Variants in RBFOX1 observed in about 807,000 individuals in gnomAD.
The protein encoded by RBFOX1 is RNA binding fox-1 homolog 1, also known as RNA binding protein fox-1 homolog 1.
A neutral mutation model predicts 57.7 loss-of-function variants in RBFOX1; 8 were observed. That is an observed-to-expected ratio of 0.14 (90% CI 0.08 to 0.25). RBFOX1 has a LOEUF of 0.25. RBFOX1 is among the 10% of genes least tolerant of loss of function. RBFOX1 has a pLI of 1.00. For missense variants in RBFOX1, 611 were observed against 548.5 expected (o/e 1.11, Z -1.14); for synonymous variants, 326 against 222.4 (o/e 1.47, Z -4.15).
chr16:6,694,630 C>T (rs372742340), intron 3 of RBFOX1, among the ~76,000 whole-genome samples: 10 of 152,168 alleles, frequency 6.6e-5, no homozygotes, highest in Non-Finnish European at 1.3e-4. Context: ...TTCTGCCTTA[C>T]ACTGTGTTGG....
intron 1 of RBFOX1, among the ~76,000 whole-genome samples, chr16:5,386,375 A>C (rs1360377050): frequency 6.6e-6 from 1 of 152,030 alleles, no homozygotes; most frequent in Non-Finnish European, 1.5e-5. Flanking sequence ...GAAAAGGTAG[A>C]CGGCCTCAGG....
chr16:5,373,550 C>T (rs534795416), intron 1 of RBFOX1, among the ~76,000 whole-genome samples: 2 of 152,234 alleles, frequency 1.3e-5, no homozygotes, highest in South Asian at 4.2e-4. Context: ...CCTGAGGCCT[C>T]CTCAGCCGTA....
At chr16:7,301,439 C>A (rs1603592222) in intron 4 of RBFOX1, among the ~76,000 whole-genome samples, 1 of 152,148 alleles carries the variant, frequency 6.6e-6, no homozygotes, top group African/African-American at 2.4e-5. Flanking sequence ...GTGTGTCTGA[C>A]TGTGAAAACT....
chr16:7,603,908 G>T (rs146979908), intron 9 of RBFOX1, among the ~76,000 whole-genome samples: 1 of 152,238 alleles, frequency 6.6e-6, no homozygotes, highest in African/African-American at 2.4e-5. Flanking sequence ...TGGTCACCAT[G>T]ACCAGAATGG....
At chr16:5,733,348 G>A (rs1365021208) in intron 3 of RBFOX1, among the ~76,000 whole-genome samples, 1 of 152,124 alleles carries the variant, frequency 6.6e-6, no homozygotes, top group Non-Finnish European at 1.5e-5. Context: ...GGCAGCCATG[G>A]GGGTCCAGGA....
intron 3 of RBFOX1, among the ~76,000 whole-genome samples, chr16:5,680,929 G>A (rs894561878): frequency 2.0e-5 from 3 of 151,974 alleles, no homozygotes; most frequent in Admixed American, 2.0e-4. Context: ...TTGGGGGGCA[G>A]GGGTGCAGCA....
chr16:6,748,515 A>T (rs555970906), intron 3 of RBFOX1, among the ~76,000 whole-genome samples: 2 of 152,164 alleles, frequency 1.3e-5, no homozygotes, highest in East Asian at 3.9e-4. Context: ...AAAGATAAAA[A>T]ATTAGCTGGC....
At chr16:6,902,194 T>C (rs2153412957) in intron 3 of RBFOX1, among the ~76,000 whole-genome samples, 1 of 152,346 alleles carries the variant, frequency 6.6e-6, no homozygotes, top group Admixed American at 6.5e-5. Context: ...ATGTGGTTCT[T>C]GATGTCTTCA....
intron 4 of RBFOX1, among the ~76,000 whole-genome samples, chr16:7,504,375 T>A (rs1233247924): frequency 6.6e-6 from 1 of 152,012 alleles, no homozygotes; most frequent in East Asian, 1.9e-4. Flanking sequence ...TTAATCTACC[T>A]GGGTTCTGGA....
chr16:7,603,738 A>G (rs2095158785), intron 9 of RBFOX1, among the ~76,000 whole-genome samples: 1 of 152,186 alleles, frequency 6.6e-6, no homozygotes, highest in Admixed American at 6.5e-5. Context: ...AAAGGGAAAA[A>G]GGGAAGTGGT....
At chr16:7,701,509 T>G (rs1002577920) in intron 14 of RBFOX1, among the ~76,000 whole-genome samples, 6 of 152,186 alleles carry the variant, frequency 3.9e-5, no homozygotes, top group African/African-American at 1.4e-4. Context: ...GGAACAGTTT[T>G]TTTTCCTGAA....
intron 4 of RBFOX1, among the ~76,000 whole-genome samples, chr16:7,202,428 A>G: frequency 6.6e-6 from 1 of 152,332 alleles, no homozygotes; most frequent in East Asian, 1.9e-4. Flanking sequence ...GAGATTCCCA[A>G]ATAATTAAAA....
At chr16:5,310,230 T>C (rs2064048909) in intron 1 of RBFOX1, among the ~76,000 whole-genome samples, 2 of 152,060 alleles carry the variant, frequency 1.3e-5, no homozygotes. Flanking sequence ...GGGGAAACCC[T>C]GTCTCTACAA....
At chr16:6,104,281 A>G (rs910753826) in intron 1 of RBFOX1, among the ~76,000 whole-genome samples, 6 of 152,220 alleles carry the variant, frequency 3.9e-5, no homozygotes, top group African/African-American at 1.4e-4. Flanking sequence ...TCTTAAGTAT[A>G]AGGAGAATAT....
chr16:5,606,241 C>T (rs999504388), intron 3 of RBFOX1, among the ~76,000 whole-genome samples: 7 of 152,256 alleles, frequency 4.6e-5, no homozygotes, highest in African/African-American at 1.7e-4. Context: ...CTACTCTCCT[C>T]CCACCCTGTC....
Position 6,019,942 on chromosome 16 carries a change from G to T in RBFOX1, c.-177G>T. On this transcript the variant is annotated 5_prime_UTR_variant, in exon 1 of 16. Coordinates refer to ENST00000550418, the MANE Select transcript of RBFOX1 (RefSeq NM_018723.4). The surrounding 1 kb of genome is among the most constrained non-coding windows in gnomAD (Gnocchi z 4.2). ...GGTGCAGAGAGCGCACGGGAATTCGGGGGTCTGGGGCCGAGAACGTGACCG... is the reference window on the plus strand; with the variant it reads ...GGTGCAGAGAGCGCACGGGAATTCGTGGGTCTGGGGCCGAGAACGTGACCG... 2.6e-6 allele frequency: 4 copies of T among 1,534,426 alleles called. No homozygotes were observed. The highest frequency in any genetic ancestry group is 3.5e-6 in the Non-Finnish European group (4 of 1,146,136).
At chr16:7,374,009 T>C (rs911804532) in intron 4 of RBFOX1, among the ~76,000 whole-genome samples, 1 of 152,200 alleles carries the variant, frequency 6.6e-6, no homozygotes, top group Non-Finnish European at 1.5e-5. Flanking sequence ...GTCACAGATA[T>C]GAGCCATAAA....
intron 4 of RBFOX1, among the ~76,000 whole-genome samples, chr16:5,945,763 G>T (rs1332660332): frequency 1.1e-4 from 16 of 152,188 alleles, no homozygotes; most frequent in Admixed American, 1.0e-3. Flanking sequence ...AGATATTGCT[G>T]GATGTAGGTG....
intron 1 of RBFOX1, among the ~76,000 whole-genome samples, chr16:5,411,479 C>A (rs1050801746): frequency 6.6e-6 from 1 of 152,162 alleles, no homozygotes; most frequent in African/African-American, 2.4e-5. Context: ...GGAACACAGC[C>A]CTGTCGATAC....
Sources: gnomAD v4.1 joint callset for allele counts (sites outside exome capture counted in the v4.1 genomes callset) on GRCh38, gnomAD v4.1.1 for gene constraint, Gnocchi (gnomAD v3.1) non-coding constraint, MANE v1.5 for transcripts, NCBI Gene and HGNC (gene_info 2026-07-23, HGNC 2026-07-21) for gene names.